The following CNIH3 variants were observed in gnomAD, a reference collection of about 807,000 sequenced individuals.
CNIH3 encodes cornichon family AMPA receptor auxiliary protein 3.
CNIH3 carries 14 observed loss-of-function variants against 24.1 expected under a neutral mutation model. The observed-to-expected ratio is 0.58, with a 90% CI of 0.38 to 0.91. The LOEUF (loss-of-function observed/expected upper bound fraction) is 0.91. Ranked by LOEUF, CNIH3 falls within the 40% of genes least tolerant of loss-of-function variation. The pLI is 0.00. For synonymous variants in CNIH3, 68 were observed against 73.8 expected (o/e 0.92, Z 0.40); for missense variants, 178 against 196.8 (o/e 0.90, Z 0.57).
intron 1 of CNIH3, among the ~76,000 whole-genome samples, chr1:224,680,285 C>T (rs993537298): frequency 3.3e-5 from 5 of 152,156 alleles, no homozygotes; most frequent in South Asian, 2.1e-4. Context: ...TGTGGAGGGC[C>T]GTGCCTCATT....
chr1:224,593,013 G>A (rs1363444109), downstream of CNIH3, among the ~76,000 whole-genome samples: 3 of 152,200 alleles, frequency 2.0e-5, no homozygotes, highest in African/African-American at 7.2e-5. Context: ...TAGATGAGCG[G>A]GAAATGCAAG....
At position 224,604,730 on chromosome 1, in the gene CNIH3, G is replaced by C. The variant is rs1218498416; in HGVS notation, n.402+38466G>C. Among the ~76,000 whole-genome samples the C allele has an allele frequency of 2.0e-5, 3 of 152,188 alleles. No homozygotes were observed. The highest frequency in any genetic ancestry group is 7.2e-5 in the African/African-American group (3 of 41,448). On this transcript the variant is annotated intron_variant and non_coding_transcript_variant, in intron 3 of 7. Coordinates refer to the CNIH3 transcript ENST00000478120. This position sits in a 1 kb window ranked among gnomAD's most constrained non-coding sequence, Gnocchi z 4.4. ...CTTTGCAAGCCAGGGACCCTTGCCG[G>C]TGACACCTGGCCCAGGCGTCACTTG...
At chr1:224,677,486 G>C (rs1344162098) in intron 1 of CNIH3, among the ~76,000 whole-genome samples, 1 of 152,158 alleles carries the variant, frequency 6.6e-6, no homozygotes, top group African/African-American at 2.4e-5. Context: ...GACGCTGAAA[G>C]CCTTTGTCCT....
At chr1:224,567,371 A>T (rs980106784) in intron 4 of CNIH3, among the ~76,000 whole-genome samples, 2 of 152,110 alleles carry the variant, frequency 1.3e-5, no homozygotes, top group African/African-American at 4.8e-5. Context: ...GCTTTAGTTT[A>T]ATTAGATCCC....
chr1:224,457,275 CTGTGTG>C (rs1168012940), intron 1 of CNIH3, among the ~76,000 whole-genome samples: 72 of 42,732 alleles, frequency 1.7e-3, no homozygotes, highest in African/African-American at 5.2e-3. Flanking sequence ...CTCTCTCTCT[CTGTGTG>C]TGTGTGTGTG....
intron 3 of CNIH3, among the ~76,000 whole-genome samples, chr1:224,610,142 G>A (rs140129652): frequency 7.0e-4 from 106 of 152,306 alleles, no homozygotes; most frequent in African/African-American, 2.5e-3. Context: ...GCTAATGTAA[G>A]TATTCTAAGC....
chr1:224,629,034 T>C (rs953615556), intron 1 of CNIH3, among the ~76,000 whole-genome samples: 1 of 151,414 alleles, frequency 6.6e-6, no homozygotes, highest in Non-Finnish European at 1.5e-5. Context: ...CGAGACAGAA[T>C]CTTGCTCTGT....
intron 3 of CNIH3, among the ~76,000 whole-genome samples, chr1:224,700,098 C>G (rs1687400377): frequency 6.6e-6 from 1 of 152,166 alleles, no homozygotes; most frequent in Non-Finnish European, 1.5e-5. Flanking sequence ...TGGACCATTT[C>G]TGTATATAAG....
intron 1 of CNIH3, among the ~76,000 whole-genome samples, chr1:224,457,511 A>ATTTTTTTTT (rs943521801): frequency 3.2e-4 from 36 of 111,182 alleles, no homozygotes; most frequent in African/African-American, 7.5e-4. Context: ...TGGTCTGGGG[A>ATTTTTTTTT]TTTTTTTTTT....
At chr1:224,674,434 C>T (rs752128928) in intron 1 of CNIH3, among the ~76,000 whole-genome samples, 10 of 151,940 alleles carry the variant, frequency 6.6e-5, no homozygotes, top group South Asian at 6.2e-4. Context: ...TAGAGTGTTT[C>T]TATAGTTTCC....
chr1:224,734,651 G>A lies in CNIH3; in HGVS notation c.400G>A (p.Glu134Lys). 6.2e-7 allele frequency: 1 copy of A among 1,614,150 alleles called. No individual in the cohort carries two copies. Among genetic ancestry groups the A allele is most frequent in the African/African-American group, 1.3e-5 (1 of 75,046 alleles). The change falls in exon 5 of 6, where the codon GAG becomes AAG. Residue 134 changes from glutamate to lysine, a missense_variant. Glu to Lys is a moderately conservative substitution (Grantham distance 56). Transcript: ENST00000272133. ...CGACACTTTGAGTTACTGTCAGAAG[G>A]AGGCCTGGTGTAAGCTGGCCTTCTA... ...NADTLSYCQKEAWCKLAFYLL... is the reference protein window; with the variant it reads ...NADTLSYCQKKAWCKLAFYLL...
In CNIH3 at chr1:224,734,692, C is replaced by T. The variant is rs966482576; in HGVS notation, c.441C>T (p.Phe147=). Reference sequence around the variant, plus strand: ...TGGCCTTCTATCTCCTCTCCTTCTTCTACTACCTTTACTGGTGAGTATCTG... The same window carrying T: ...TGGCCTTCTATCTCCTCTCCTTCTTTTACTACCTTTACTGGTGAGTATCTG... The part of the protein sequence containing the change: ...CKLAFYLLSF[F]YYLYCMIYTL... Residue 147 remains phenylalanine (F), a synonymous_variant, in exon 5 of 6, where the codon TTC becomes TTT. Transcript: ENST00000272133. 19 of 1,614,064 alleles carry T rather than the reference C, an allele frequency of 1.2e-5. No homozygotes were observed. Among genetic ancestry groups the T allele is most frequent in the Admixed American group, 6.7e-5 (4 of 59,996 alleles).
At chr1:224,534,224 C>T (rs994916733) in intron 2 of CNIH3, among the ~76,000 whole-genome samples, 2 of 152,256 alleles carry the variant, frequency 1.3e-5, no homozygotes, top group East Asian at 1.9e-4. Context: ...ACAATTCAAC[C>T]ATAACATCTG....
chr1:224,456,825 G>A (rs116138026), intron 1 of CNIH3, among the ~76,000 whole-genome samples: 1,983 of 152,332 alleles, frequency 0.013, 20 homozygotes, highest in Non-Finnish European at 0.022. Context: ...AGGCCTTGTC[G>A]TAACTGCTTC....
intron 1 of CNIH3, among the ~76,000 whole-genome samples, chr1:224,446,016 CT>C (rs1175629781): frequency 6.6e-6 from 1 of 152,160 alleles, no homozygotes; most frequent in African/African-American, 2.4e-5. Context: ...CCTTTCCCCC[CT>C]ATCTTGCAGT....
chr1:224,708,491 C>G (rs994889976), intron 3 of CNIH3, among the ~76,000 whole-genome samples: 2 of 152,218 alleles, frequency 1.3e-5, no homozygotes, highest in Admixed American at 6.5e-5. Context: ...GAAAGAGTCC[C>G]TTGCACTCCC....
intron 1 of CNIH3, among the ~76,000 whole-genome samples, chr1:224,518,159 C>T (rs1420587360): frequency 6.6e-6 from 1 of 152,120 alleles, no homozygotes; most frequent in Non-Finnish European, 1.5e-5. Flanking sequence ...CGGCCCTCAC[C>T]CGAGGTGGCC....
chr1:224,682,708 C>G (rs1477225592), intron 2 of CNIH3, among the ~76,000 whole-genome samples: 1 of 152,190 alleles, frequency 6.6e-6, no homozygotes, highest in Non-Finnish European at 1.5e-5. Context: ...ACACGCCTGG[C>G]CTGTCAATAT....
chr1:224,537,783 T>G (rs1276407242), downstream of CNIH3, among the ~76,000 whole-genome samples: 1 of 152,142 alleles, frequency 6.6e-6, no homozygotes, highest in South Asian at 2.1e-4. Context: ...TAACAGCCAT[T>G]TAGTTTGGGA....
Sources: gnomAD v4.1 joint callset for allele counts (sites outside exome capture counted in the v4.1 genomes callset) on GRCh38, gnomAD v4.1.1 for gene constraint, Gnocchi (gnomAD v3.1) non-coding constraint, MANE v1.5 for transcripts, NCBI Gene and HGNC (gene_info 2026-07-23, HGNC 2026-07-21) for gene names.